Variants in RSU1 observed in about 807,000 individuals in gnomAD.
RSU1 encodes rsu-1.
In RSU1, 26 loss-of-function variants were observed where a neutral mutation model predicts 31.1. The ratio of observed to expected loss-of-function variants is 0.84; its 90% CI spans 0.61 to 1.16. The LOEUF is 1.16. Ranked by LOEUF, RSU1 falls within the 50% of genes most tolerant of loss-of-function variation. The probability of loss-of-function intolerance (pLI) is 0.00; values close to 1 mark genes in which losing one functional copy is unlikely to be tolerated. For missense variants in RSU1, 320 were observed against 339.1 expected (o/e 0.94, Z 0.44); for synonymous variants, 164 against 136.3 (o/e 1.20, Z -1.41).
At chr10:16,718,318 C>G (rs948768104) in intron 7 of RSU1, among the ~76,000 whole-genome samples, 5 of 152,098 alleles carry the variant, frequency 3.3e-5, no homozygotes, top group Non-Finnish European at 4.4e-5. Context: ...AAAGGGTACA[C>G]AGAATTTATA....
chr10:16,606,140 C>T (rs780871112), intron 8 of RSU1, among the ~76,000 whole-genome samples: 2 of 152,172 alleles, frequency 1.3e-5, no homozygotes, highest in Non-Finnish European at 2.9e-5. Context: ...GGCCATTGTC[C>T]TCTTGCGGAC....
At chr10:16,710,709 G>A (rs1836000918) in intron 7 of RSU1, among the ~76,000 whole-genome samples, 1 of 151,770 alleles carries the variant, frequency 6.6e-6, no homozygotes, top group African/African-American at 2.4e-5. Context: ...GGATATATGT[G>A]CAGAAAGTGC....
At chr10:16,700,585 C>G (rs946809225) in intron 7 of RSU1, among the ~76,000 whole-genome samples, 1 of 152,242 alleles carries the variant, frequency 6.6e-6, no homozygotes, top group Non-Finnish European at 1.5e-5. Flanking sequence ...CCATAATTCT[C>G]ATTATCATGT....
intron 8 of RSU1, among the ~76,000 whole-genome samples, chr10:16,611,876 G>C (rs1484429416): frequency 6.6e-6 from 1 of 152,220 alleles, no homozygotes; most frequent in Non-Finnish European, 1.5e-5. Context: ...GCACCTGTGT[G>C]AAAGTTATAA....
At chr10:16,723,724 C>A (rs942787478) in intron 7 of RSU1, among the ~76,000 whole-genome samples, 1 of 152,104 alleles carries the variant, frequency 6.6e-6, no homozygotes, top group Non-Finnish European at 1.5e-5. Flanking sequence ...GGACAGTGGA[C>A]AGCCAGGCCT....
chr10:16,706,773 T>C (rs1835912241), intron 7 of RSU1, among the ~76,000 whole-genome samples: 1 of 152,154 alleles, frequency 6.6e-6, no homozygotes, highest in Non-Finnish European at 1.5e-5. Context: ...ATATACAATA[T>C]TTCACTGTTA....
intron 5 of RSU1, 101 bp downstream of exon 5, chr10:16,754,770 T>TC (rs1477523145): frequency 1.4e-6 from 1 of 719,812 alleles, no homozygotes; most frequent in African/African-American, 1.8e-5. Flanking sequence ...ATTATCTCTG[T>TC]CCAATAATTT....
chr10:16,797,259 A>C (rs1467567797), intron 2 of RSU1, among the ~76,000 whole-genome samples: 1 of 152,214 alleles, frequency 6.6e-6, no homozygotes, highest in Non-Finnish European at 1.5e-5. Context: ...AGGAGCAGTA[A>C]GTAAAAATAA....
At chr10:16,805,650 G>A (rs1174957874) in intron 2 of RSU1, among the ~76,000 whole-genome samples, 2 of 137,534 alleles carry the variant, frequency 1.5e-5, no homozygotes, top group Admixed American at 1.6e-4. Context: ...CACTCCGACA[G>A]AGCGAGACTC....
rs531017896 is a variant in RSU1 at position 16,665,680 on chromosome 10, A to AT, written c.731+29342dup. On this transcript the variant is annotated intron_variant, in intron 8 of 8. Coordinates refer to ENST00000345264, the MANE Select transcript of RSU1 (RefSeq NM_012425.4). ...AAAATTTATTCCTTAAAAAAACTGC[A>AT]TTTTTTTCCCCATGGAGATATCTTC... Among the ~76,000 whole-genome samples, 96 of 152,248 alleles carry AT rather than the reference A, an allele frequency of 6.3e-4. No individual in the cohort carries two copies. The South Asian group carries it at 9.1e-3, about 14-fold the overall frequency.
intron 8 of RSU1, among the ~76,000 whole-genome samples, chr10:16,683,359 A>C (rs534522742): frequency 6.6e-6 from 1 of 152,270 alleles, no homozygotes; most frequent in South Asian, 2.1e-4. Context: ...TAAATATTTC[A>C]TTCTATTGTG....
chr10:16,798,156 T>C (rs1183469364), intron 2 of RSU1, among the ~76,000 whole-genome samples: 1 of 151,860 alleles, frequency 6.6e-6, no homozygotes, highest in Non-Finnish European at 1.5e-5. Context: ...GGGATTTCTT[T>C]TAAAACAAAG....
chr10:16,720,562 C>A (rs1181401586), intron 7 of RSU1, among the ~76,000 whole-genome samples: 1 of 152,154 alleles, frequency 6.6e-6, no homozygotes, highest in Non-Finnish European at 1.5e-5. Context: ...CTCTTAAATT[C>A]TTGTTCAACA....
intron 2 of RSU1, 133 bp downstream of exon 2, chr10:16,816,840 C>T: frequency 1.5e-6 from 1 of 656,894 alleles, no homozygotes; most frequent in Admixed American, 2.5e-5. Flanking sequence ...CGCGAAGCCC[C>T]TGACAAGTGA....
intron 7 of RSU1, among the ~76,000 whole-genome samples, chr10:16,725,997 C>T (rs2131595354): frequency 6.6e-6 from 1 of 151,148 alleles, no homozygotes; most frequent in East Asian, 1.9e-4. Context: ...ATAAAACATA[C>T]ATAGAATGTA....
At chr10:16,597,458 C>G (rs183787272) in intron 8 of RSU1, among the ~76,000 whole-genome samples, 12 of 152,208 alleles carry the variant, frequency 7.9e-5, no homozygotes, top group Admixed American at 7.2e-4. Flanking sequence ...CTGCTTTTGA[C>G]GTTTATTAGC....
At chr10:16,736,063 T>A (rs1836618130) in intron 7 of RSU1, among the ~76,000 whole-genome samples, 1 of 151,988 alleles carries the variant, frequency 6.6e-6, no homozygotes, top group Admixed American at 6.6e-5. Context: ...AGGACAGAAA[T>A]CAGAGTTTGA....
intron 8 of RSU1, among the ~76,000 whole-genome samples, chr10:16,666,922 C>A (rs534578157): frequency 6.6e-6 from 1 of 151,686 alleles, no homozygotes; most frequent in East Asian, 2.0e-4. Context: ...CCCAGCATTG[C>A]GGGGCGAAGG....
chr10:16,815,600 T>A (rs866430797), intron 2 of RSU1, among the ~76,000 whole-genome samples: 1 of 152,168 alleles, frequency 6.6e-6, no homozygotes, highest in South Asian at 2.1e-4. Context: ...CAGGCACTAT[T>A]ATTAAAAAAA....
Sources: allele counts gnomAD v4.1 joint callset (sites outside exome capture counted in the v4.1 genomes callset), GRCh38; gene constraint gnomAD v4.1.1; transcripts MANE v1.5; gene names NCBI Gene and HGNC (gene_info 2026-07-23, HGNC 2026-07-21).